The following CEP20 variants were observed in gnomAD, a reference collection of about 807,000 sequenced individuals.
The protein encoded by CEP20 is centrosomal protein 20.
A neutral mutation model predicts 20.0 loss-of-function variants in CEP20; 18 were observed. The observed-to-expected ratio is 0.90, with a 90% CI of 0.62 to 1.34. The LOEUF (loss-of-function observed/expected upper bound fraction) is 1.34, where lower values mean the gene tolerates loss of function less well. CEP20 is among the 40% of genes most tolerant of loss of function. The probability of loss-of-function intolerance (pLI) is 0.00; values close to 1 mark genes in which losing one functional copy is unlikely to be tolerated. For missense variants in CEP20, 215 were observed against 201.6 expected, an observed-to-expected ratio of 1.07 and a Z score of -0.40; for synonymous variants, 77 against 73.7, an observed-to-expected ratio of 1.04 and a Z score of -0.23.
At chr16:15,884,270 G>T in intron 1 of CEP20, 65 bp from the exon 2 acceptor site, 1 of 1,446,250 alleles carries the variant, frequency 6.9e-7, no homozygotes, top group Non-Finnish European at 9.4e-7. Flanking sequence ...GGCATACTTT[G>T]AAAAGAAATG....
Position 15,873,507 on chromosome 16 carries a change from A to C in CEP20, c.432T>G (p.Ser144Arg), listed in dbSNP as rs754567786. 2.5e-6 allele frequency: 4 copies of C among 1,613,754 alleles called. No homozygotes were observed. The highest frequency in any genetic ancestry group is 2.7e-5 in the African/African-American group (2 of 74,934). ...AACTCATACCCATTGGCTTTCTTCT[A>C]CTAGGTTGTCTGCCAAGACTTGGGT... ...PSDPSLGRQP[S>R]RRKPMDDHLR... The change falls in exon 4 of 5, where the codon AGT becomes AGG. Residue 144 changes from serine to arginine, a missense_variant. Coordinates refer to ENST00000255759, the MANE Select transcript of CEP20 (RefSeq NM_144600.4).
intron 3 of CEP20, chr16:15,877,316 A>G (rs1273702378): frequency 6.6e-6 from 1 of 151,142 alleles, no homozygotes; most frequent in Non-Finnish European, 1.5e-5. Context: ...AGCTACCAAG[A>G]AGCCAGTAAT....
intron 4 of CEP20, among the ~76,000 whole-genome samples, chr16:15,869,116 T>C (rs1013896378): frequency 2.0e-5 from 3 of 151,366 alleles, no homozygotes; most frequent in African/African-American, 7.3e-5. Flanking sequence ...TGTATATATA[T>C]ATAAAGTTGA....
At chr16:15,878,605 T>C (rs1009232972) in intron 3 of CEP20, among the ~76,000 whole-genome samples, 6 of 152,042 alleles carry the variant, frequency 3.9e-5, no homozygotes, top group African/African-American at 1.4e-4. Context: ...AAAGCGATTC[T>C]CATGCCTGAG....
rs115567967 is a variant in CEP20, at chr16:15,867,375, G to A, written c.*65C>T. The A allele has an allele frequency of 3.7e-3, 4,685 of 1,268,286 alleles. 108 individuals are homozygous for A. In the African/African-American group the frequency reaches 0.054, roughly 15 times the overall value. 78.6% of individuals were successfully genotyped at this position (1,268,286 alleles called of 1,614,324 possible). A position where few individuals can be genotyped will look rare whatever the true frequency, so the allele number is the denominator to read the frequency against. On this transcript the variant is annotated 3_prime_UTR_variant, in exon 5 of 5. Transcript: ENST00000255759. Reference sequence around the variant, plus strand: ...TTAGTGGTGCATTTTGGTAACATTGGGACAATAAATAAGTTATTTAATTAA... The same window carrying A: ...TTAGTGGTGCATTTTGGTAACATTGAGACAATAAATAAGTTATTTAATTAA...
intron 3 of CEP20, among the ~76,000 whole-genome samples, chr16:15,879,023 T>C (rs2045032013): frequency 6.6e-6 from 1 of 152,000 alleles, no homozygotes; most frequent in Non-Finnish European, 1.5e-5. Flanking sequence ...TTTTTTTTTT[T>C]TTTTTGGCTA....
chr16:15,875,671 G>A (rs1015069788), intron 3 of CEP20, among the ~76,000 whole-genome samples: 1 of 152,164 alleles, frequency 6.6e-6, no homozygotes, highest in Admixed American at 6.5e-5. Flanking sequence ...ACAATAACTT[G>A]CCTGTAATTC....
chr16:15,875,264 T>C (rs1457730928), intron 3 of CEP20, among the ~76,000 whole-genome samples: 2 of 152,198 alleles, frequency 1.3e-5, no homozygotes, highest in Non-Finnish European at 2.9e-5. Context: ...GGTCTCTTTG[T>C]TTACTTTAAT....
intron 2 of CEP20, among the ~76,000 whole-genome samples, chr16:15,880,358 GCACTTAACCA>G (rs2045069657): frequency 6.6e-6 from 1 of 152,140 alleles, no homozygotes; most frequent in African/African-American, 2.4e-5. Context: ...AGGTGAGCGT[GCACTTAACCA>G]CACAACCCAG....
rs71388769 is a variant in CEP20, at chr16:15,882,784, T to TACACACAC, written c.226+1216_226+1223dup. Reference sequence around the variant, plus strand: ...CTATCTATCTATCTATCTATCTAGATACACACACACACACACACAAATAGA... The same window carrying TACACACAC: ...CTATCTATCTATCTATCTATCTAGATACACACACACACACACACACACACACAAATAGA... On this transcript the variant is annotated intron_variant, in intron 2 of 4. Transcript: ENST00000255759. Among the ~76,000 whole-genome samples, 937 of 149,852 alleles carry TACACACAC rather than the reference T, an allele frequency of 6.3e-3. 11 individuals carry two copies. Among genetic ancestry groups the TACACACAC allele is most frequent in the African/African-American group, 0.011 (433 of 40,644 alleles).
chr16:15,870,010 G>C (rs1311428546), intron 4 of CEP20, among the ~76,000 whole-genome samples: 1 of 152,168 alleles, frequency 6.6e-6, no homozygotes, highest in Non-Finnish European at 1.5e-5. Flanking sequence ...ACTTGAACTC[G>C]ATTCTGATGT....
chr16:15,884,307 G>T, intron 1 of CEP20, 102 bp from the exon 2 acceptor site: 3 of 1,019,572 alleles, frequency 2.9e-6, no homozygotes, highest in Non-Finnish European at 4.2e-6. Flanking sequence ...TACAAAAACA[G>T]CTCTCAAGCA....
At position 15,867,140 on chromosome 16, in the gene CEP20, A is replaced by G. The variant is rs12596676; in HGVS notation, c.*300T>C. The G allele has an allele frequency of 0.059, 11,651 of 198,490 alleles. 493 individuals carry two copies. Among genetic ancestry groups the G allele is most frequent in the East Asian group, 0.18 (1,440 of 7,896 alleles). The allele number at this position is 198,490 out of a possible 1,614,324, so 12.3% of individuals were successfully genotyped here. ...GGAGAATCACTTGAATCCGGGAGGC[A>G]GAGATTGCAGTGAGCCGAGATCGTG... On this transcript the variant is annotated 3_prime_UTR_variant, in exon 5 of 5. Transcript: ENST00000255759.
At chr16:15,870,976 G>C (rs2044801638) in intron 4 of CEP20, among the ~76,000 whole-genome samples, 1 of 152,106 alleles carries the variant, frequency 6.6e-6, no homozygotes, top group Non-Finnish European at 1.5e-5. Flanking sequence ...GAAGGGGCTG[G>C]GCATGGCCAG....
At chr16:15,875,259 CTT>C (rs1487950289) in intron 3 of CEP20, among the ~76,000 whole-genome samples, 5 of 152,156 alleles carry the variant, frequency 3.3e-5, no homozygotes, top group African/African-American at 4.8e-5. Context: ...AAACAGGTCT[CTT>C]TGTTTACTTT....
intron 4 of CEP20, among the ~76,000 whole-genome samples, chr16:15,868,579 A>G (rs917100825): frequency 4.6e-5 from 7 of 152,236 alleles, no homozygotes; most frequent in African/African-American, 1.7e-4. Context: ...AAAAATATAT[A>G]CATAAATTTA....
chr16:15,869,656 T>C (rs1473061408), intron 4 of CEP20, among the ~76,000 whole-genome samples: 2 of 152,152 alleles, frequency 1.3e-5, no homozygotes, highest in Admixed American at 1.3e-4. Flanking sequence ...CAGGGTTTGA[T>C]ATTTCTGTTG....
At chr16:15,873,703 T>C in intron 3 of CEP20, 76 bp from the exon 4 acceptor site, 3 of 1,450,258 alleles carry the variant, frequency 2.1e-6, no homozygotes, top group Non-Finnish European at 2.8e-6. Flanking sequence ...AAACATTTAT[T>C]CTTTAAAAGG....
At position 15,881,094 on chromosome 16, in the gene CEP20, G is replaced by T. The variant is rs532645473; in HGVS notation, c.227-1206C>A. 1.3e-5 allele frequency among the ~76,000 whole-genome samples: 2 copies of T among 152,068 alleles called. 1 individual carries two copies. Among genetic ancestry groups the T allele is most frequent in the African/African-American group, 4.8e-5 (2 of 41,400 alleles). Reference sequence around the variant, plus strand: ...ATCCTCCCAGGTCCATGGAAAAATTGTCTTCCATGAAACCAGTCCCTGGTG... The same window carrying T: ...ATCCTCCCAGGTCCATGGAAAAATTTTCTTCCATGAAACCAGTCCCTGGTG... On this transcript the variant is annotated intron_variant, in intron 2 of 4. Coordinates refer to ENST00000255759, the MANE Select transcript of CEP20 (RefSeq NM_144600.4).
Sources: allele counts gnomAD v4.1 joint callset (sites outside exome capture counted in the v4.1 genomes callset), GRCh38; gene constraint gnomAD v4.1.1; transcripts MANE v1.5; gene names NCBI Gene and HGNC (gene_info 2026-07-23, HGNC 2026-07-21).